TENM2: variants seen among roughly 807,000 people sequenced by gnomAD.
TENM2 encodes the protein teneurin-2.
In TENM2, 52 loss-of-function variants were observed where a neutral mutation model predicts 245.2. The observed-to-expected ratio is 0.21, with a 90% CI of 0.17 to 0.27. The LOEUF is 0.27. Ranked by LOEUF, TENM2 falls within the 10% of genes least tolerant of loss-of-function variation. TENM2 has a pLI of 1.00. For missense variants in TENM2, 3,046 were observed against 3,666.8 expected, an observed-to-expected ratio of 0.83 and a Z score of 4.37; for synonymous variants, 1,363 against 1,438.9, an observed-to-expected ratio of 0.95 and a Z score of 1.19.
chr5:168,215,115 C>A, exon 21 of TENM2: 1 of 1,613,876 alleles, frequency 6.2e-7, no homozygotes, highest in Non-Finnish European at 8.5e-7. Flanking sequence ...ACACCAACAG[C>A]AGGAGAATCT....
At chr5:168,250,864 A>G (rs1767051151) in intron 27 of TENM2, among the ~76,000 whole-genome samples, 1 of 152,264 alleles carries the variant, frequency 6.6e-6, no homozygotes, top group African/African-American at 2.4e-5. Flanking sequence ...GAAAACACAC[A>G]TATATAGTAT....
chr5:168,154,715 C>T (rs1229723325), intron 12 of TENM2, among the ~76,000 whole-genome samples: 2 of 152,092 alleles, frequency 1.3e-5, no homozygotes, highest in East Asian at 3.9e-4. Context: ...TTTATATGAC[C>T]TCATGGAAGC....
At chr5:167,928,869 C>A (rs1777966955) in intron 3 of TENM2, among the ~76,000 whole-genome samples, 1 of 121,086 alleles carries the variant, frequency 8.3e-6, no homozygotes, top group Non-Finnish European at 1.6e-5. Flanking sequence ...GCACTCCAGC[C>A]TGGGTGACAG....
chr5:167,793,206 A>C (rs1765098389), intron 2 of TENM2, among the ~76,000 whole-genome samples: 1 of 152,180 alleles, frequency 6.6e-6, no homozygotes, highest in African/African-American at 2.4e-5. Flanking sequence ...GAGAAAACCA[A>C]GTTCAAATCT....
intron 1 of TENM2, among the ~76,000 whole-genome samples, chr5:167,319,232 T>G (rs1756569472): frequency 6.6e-6 from 1 of 152,190 alleles, no homozygotes; most frequent in African/African-American, 2.4e-5. Context: ...TAGTTAAGGG[T>G]CAGATGCCCT....
At chr5:167,584,429 C>A (rs1775333769) in intron 2 of TENM2, among the ~76,000 whole-genome samples, 1 of 152,166 alleles carries the variant, frequency 6.6e-6, no homozygotes, top group Non-Finnish European at 1.5e-5. Flanking sequence ...AAGTTACACT[C>A]TCTGCAAATG....
At chr5:168,114,771 A>C (rs148352086) in intron 9 of TENM2, among the ~76,000 whole-genome samples, 17 of 152,262 alleles carry the variant, frequency 1.1e-4, no homozygotes, top group Admixed American at 2.6e-4. Flanking sequence ...ATTTTTTACC[A>C]CACTCCCAGT....
chr5:168,094,876 GC>G (rs770431065), intron 8 of TENM2, among the ~76,000 whole-genome samples: 7 of 151,922 alleles, frequency 4.6e-5, no homozygotes, highest in Admixed American at 4.6e-4. Context: ...ACTGAGCTCC[GC>G]CCCCTGTCAG....
the TENM2 span, among the ~76,000 whole-genome samples, chr5:167,146,126 A>T: frequency 6.6e-6 from 1 of 152,140 alleles, no homozygotes; most frequent in African/African-American, 2.4e-5. Context: ...CTTGGTAGCT[A>T]TATATCACCA....
chr5:167,927,380 G>T (rs565847544), intron 3 of TENM2, among the ~76,000 whole-genome samples: 1 of 152,142 alleles, frequency 6.6e-6, no homozygotes, highest in Non-Finnish European at 1.5e-5. Flanking sequence ...GTGCCTGTGA[G>T]CATCTTGGCC....
At chr5:167,442,962 T>C (rs979347367) in intron 2 of TENM2, among the ~76,000 whole-genome samples, 2 of 152,170 alleles carry the variant, frequency 1.3e-5, no homozygotes, top group Non-Finnish European at 2.9e-5. Flanking sequence ...AGTTGCTCAA[T>C]TTGCTTATAC....
intron 4 of TENM2, among the ~76,000 whole-genome samples, chr5:167,980,782 G>C (rs981747674): frequency 1.3e-4 from 20 of 152,186 alleles, no homozygotes; most frequent in Non-Finnish European, 2.9e-4. Flanking sequence ...AGATGATGTA[G>C]AGGTGTGAGT....
At chr5:167,336,296 T>G (rs1453845991) in intron 1 of TENM2, among the ~76,000 whole-genome samples, 3 of 148,678 alleles carry the variant, frequency 2.0e-5, no homozygotes, top group Non-Finnish European at 4.5e-5. Flanking sequence ...CAAGCTGATC[T>G]CAACGAGCCC....
intron 3 of TENM2, among the ~76,000 whole-genome samples, chr5:167,933,715 A>G (rs908305686): frequency 6.6e-6 from 1 of 151,684 alleles, no homozygotes; most frequent in Non-Finnish European, 1.5e-5. Flanking sequence ...TAGAGTGAGG[A>G]GCCAGGGATG....
At chr5:168,083,429 C>T (rs535888739) in intron 7 of TENM2, among the ~76,000 whole-genome samples, 395 of 152,318 alleles carry the variant, frequency 2.6e-3, no homozygotes, top group African/African-American at 8.4e-3. Flanking sequence ...CCTGCTTTGG[C>T]GTACACTCTG....
chr5:168,247,611 C>T lies in TENM2; in HGVS notation c.6672C>T (p.Tyr2224=), dbSNP rs1398423926. Residue 2224 remains tyrosine, a synonymous_variant, in exon 27 of 29, where the codon TAC becomes TAT. Transcript: ENST00000518659. The surrounding 1 kb of genome is among the most constrained non-coding windows in gnomAD (Gnocchi z 7.8). ...TCAATGACCGCCCGACCTGGCGCTA[C>T]AGCTATGACCTTAATGGGAATCTCC... The T allele has an allele frequency of 6.2e-7, 1 of 1,613,504 alleles. No individual in the cohort carries two copies. Among genetic ancestry groups the T allele is most frequent in the Non-Finnish European group, 8.5e-7 (1 of 1,179,488 alleles).
At chr5:167,545,348 G>C (rs1772485538) in intron 2 of TENM2, among the ~76,000 whole-genome samples, 1 of 151,966 alleles carries the variant, frequency 6.6e-6, no homozygotes, top group Non-Finnish European at 1.5e-5. Flanking sequence ...TGGGCTTTTT[G>C]GTGGTCTTCT....
chr5:167,985,313 A>G (rs1023667439), intron 4 of TENM2, among the ~76,000 whole-genome samples: 2 of 152,070 alleles, frequency 1.3e-5, no homozygotes, highest in African/African-American at 4.8e-5. Flanking sequence ...CTGTGTATCA[A>G]TGTTTTCATC....
chr5:167,477,671 A>G (rs181622102), intron 2 of TENM2, among the ~76,000 whole-genome samples: 50 of 152,294 alleles, frequency 3.3e-4, no homozygotes, highest in Admixed American at 2.5e-3. Context: ...CTTCATGTCA[A>G]AAGTGTTGAT....
Sources: allele counts gnomAD v4.1 joint callset (sites outside exome capture counted in the v4.1 genomes callset), GRCh38; gene constraint gnomAD v4.1.1; non-coding constraint Gnocchi (gnomAD v3.1); transcripts MANE v1.5; gene names NCBI Gene and HGNC (gene_info 2026-07-23, HGNC 2026-07-21).